SATL1: variants seen among roughly 807,000 people sequenced by gnomAD.
SATL1 encodes spermidine/spermine N(1)-acetyltransferase-like protein 1.
A neutral mutation model predicts 51.8 loss-of-function variants in SATL1; 47 were observed. That is an observed-to-expected ratio of 0.91 (90% CI 0.72 to 1.16). The LOEUF (loss-of-function observed/expected upper bound fraction) is 1.16. SATL1 is among the 50% of genes most tolerant of loss of function. The pLI is 0.00. For missense variants in SATL1, 520 were observed against 526.4 expected, an observed-to-expected ratio of 0.99 and a Z score of 0.12; for synonymous variants, 176 against 182.4, an observed-to-expected ratio of 0.97 and a Z score of 0.28.
chrX:85,182,804 T>C (rs1468889401), intron 2 of SATL1, among the ~76,000 whole-genome samples: 1 of 111,664 alleles, frequency 9.0e-6, no homozygotes, highest in East Asian at 2.8e-4. Flanking sequence ...GGATACCTCA[T>C]TGTGGTTTTG....
At chrX:85,175,788 G>T (rs1023174360) in intron 2 of SATL1, among the ~76,000 whole-genome samples, 2 of 111,139 alleles carry the variant, frequency 1.8e-5, no homozygotes, top group African/African-American at 3.3e-5. Context: ...TTAGTCAAGG[G>T]GGGCAGTCAT....
At chrX:85,161,305 A>G (rs1163272893) in intron 2 of SATL1, among the ~76,000 whole-genome samples, 2 of 111,055 alleles carry the variant, frequency 1.8e-5, no homozygotes, top group African/African-American at 6.6e-5. Context: ...ATCCACACAT[A>G]TCAATACTAA....
chrX:85,137,487 C>T (rs1435245478), intron 2 of SATL1, among the ~76,000 whole-genome samples: 1 of 111,127 alleles, frequency 9.0e-6, no homozygotes, highest in African/African-American at 3.3e-5. Context: ...ACTGCCACCA[C>T]CCTAGTTTGA....
At chrX:85,238,774 C>T (rs1373898438) in intron 1 of SATL1, among the ~76,000 whole-genome samples, 1 of 110,984 alleles carries the variant, frequency 9.0e-6, no homozygotes, top group Non-Finnish European at 1.9e-5. Flanking sequence ...CTCCATTTTC[C>T]CTGAGATGTG....
intron 1 of SATL1, among the ~76,000 whole-genome samples, chrX:85,240,357 T>G (rs1928566324): frequency 8.9e-6 from 1 of 111,926 alleles, no homozygotes; most frequent in Admixed American, 9.4e-5. Context: ...GACGACGGCC[T>G]GAACTCCTTA....
chrX:85,180,571 C>T (rs975594053), intron 2 of SATL1, among the ~76,000 whole-genome samples: 3 of 111,675 alleles, frequency 2.7e-5, no homozygotes, highest in Admixed American at 1.9e-4. Context: ...CTGTCATTGA[C>T]AGAAATGTCC....
At chrX:85,115,870 G>A (rs373228732) in intron 2 of SATL1, among the ~76,000 whole-genome samples, 15 of 109,983 alleles carry the variant, frequency 1.4e-4, no homozygotes, top group East Asian at 8.7e-4. Context: ...GTTCTAATCA[G>A]TGTGGACCCC....
chrX:85,185,412 G>A (rs991968173), intron 2 of SATL1, among the ~76,000 whole-genome samples: 1 of 112,451 alleles, frequency 8.9e-6, no homozygotes, highest in Non-Finnish European at 1.9e-5. Flanking sequence ...TTACCTTCAG[G>A]AGAGTGAGTT....
intron 2 of SATL1, among the ~76,000 whole-genome samples, chrX:85,180,899 A>T (rs1214502143): frequency 9.0e-6 from 1 of 110,576 alleles, no homozygotes; most frequent in Non-Finnish European, 1.9e-5. Context: ...ATATATTTTC[A>T]AGATGCATAT....
chrX:85,102,336 A>G (rs1252130960), intron 4 of SATL1, among the ~76,000 whole-genome samples: 1 of 108,236 alleles, frequency 9.2e-6, no homozygotes, highest in Non-Finnish European at 1.9e-5. Context: ...TTTAATGATT[A>G]CAGAGTTTCA....
intron 3 of SATL1, among the ~76,000 whole-genome samples, chrX:85,107,123 G>A (rs1285556248): frequency 9.0e-6 from 1 of 111,450 alleles, no homozygotes; most frequent in Non-Finnish European, 1.9e-5. Context: ...TTATGTTATT[G>A]TTTCATAACA....
intron 5 of SATL1, 116 bp downstream of exon 5, chrX:85,094,798 CTG>C (rs1569463347): frequency 2.1e-6 from 1 of 469,486 alleles, no homozygotes; most frequent in Non-Finnish European, 3.7e-6. Context: ...TTTAAAAAAA[CTG>C]GGTTTATACA....
At chrX:85,155,343 G>A (rs1341433142) in intron 2 of SATL1, among the ~76,000 whole-genome samples, 2 of 110,905 alleles carry the variant, frequency 1.8e-5, no homozygotes, top group African/African-American at 3.3e-5. Flanking sequence ...CACTGGATTT[G>A]TATTCCAATC....
intron 2 of SATL1, among the ~76,000 whole-genome samples, chrX:85,120,177 G>A (rs1925473469): frequency 9.0e-6 from 1 of 111,231 alleles, no homozygotes; most frequent in South Asian, 3.8e-4. Context: ...TCTCTCCACA[G>A]TATGGTTGAG....
chrX:85,099,079 AT>A (rs1416274278), intron 4 of SATL1, among the ~76,000 whole-genome samples: 1 of 111,789 alleles, frequency 8.9e-6, no homozygotes, highest in Non-Finnish European at 1.9e-5. Flanking sequence ...AGAAATGAAA[AT>A]AAGGACATTA....
chrX:85,103,794 A>G, intron 4 of SATL1, 70 bp downstream of exon 4: 1 of 739,740 alleles, frequency 1.4e-6, no homozygotes, highest in South Asian at 2.3e-5. Context: ...CAAGAACAAT[A>G]GCTTCCACAT....
intron 2 of SATL1, chrX:85,118,553 G>A (rs1925438831): frequency 9.0e-6 from 1 of 111,287 alleles, no homozygotes; most frequent in African/African-American, 3.3e-5. Context: ...AGACATTTAG[G>A]TCACTTACAA....
chrX:85,226,010 T>C (rs748441609), intron 1 of SATL1, among the ~76,000 whole-genome samples: 1 of 110,896 alleles, frequency 9.0e-6, no homozygotes, highest in South Asian at 3.9e-4. Flanking sequence ...TTGATATTAC[T>C]AGAATTATAT....
intron 2 of SATL1, among the ~76,000 whole-genome samples, chrX:85,160,875 A>G (rs1926703659): frequency 9.0e-6 from 1 of 111,257 alleles, no homozygotes; most frequent in Non-Finnish European, 1.9e-5. Flanking sequence ...ACACATCATC[A>G]GTTTCTCCAA....
Sources: gnomAD v4.1 joint callset for allele counts (sites outside exome capture counted in the v4.1 genomes callset) on GRCh38, gnomAD v4.1.1 for gene constraint, MANE v1.5 for transcripts, NCBI Gene and HGNC (gene_info 2026-07-23, HGNC 2026-07-21) for gene names.